The following SSBP3 variants were observed in gnomAD, a reference collection of about 807,000 sequenced individuals.
SSBP3 encodes single-stranded DNA-binding protein 3.
SSBP3 carries 5 observed loss-of-function variants against 69.6 expected under a neutral mutation model. The ratio of observed to expected loss-of-function variants is 0.07; its 90% CI spans 0.04 to 0.15. SSBP3 has a LOEUF of 0.15. Among genes scored for constraint, SSBP3 ranks in the 10% least tolerant of loss-of-function variants. SSBP3 has a pLI of 1.00. For synonymous variants in SSBP3, 196 were observed against 193.4 expected, an observed-to-expected ratio of 1.01 and a Z score of -0.11; for missense variants, 312 against 534.0, an observed-to-expected ratio of 0.58 and a Z score of 4.10.
intron 4 of SSBP3, among the ~76,000 whole-genome samples, chr1:54,345,914 G>A (rs1162038736): frequency 1.3e-5 from 2 of 151,896 alleles, no homozygotes; most frequent in East Asian, 3.9e-4. Flanking sequence ...GGCCGACGCG[G>A]GTGGATCACT....
chr1:54,378,623 C>A (rs1234469360), intron 4 of SSBP3, among the ~76,000 whole-genome samples: 1 of 152,240 alleles, frequency 6.6e-6, no homozygotes, highest in Admixed American at 6.5e-5. Context: ...CCATTGGGGG[C>A]TGGGACGGCG....
intron 14 of SSBP3, among the ~76,000 whole-genome samples, chr1:54,231,756 G>A (rs1356169786): frequency 2.6e-5 from 4 of 152,086 alleles, no homozygotes; most frequent in Admixed American, 1.3e-4. Flanking sequence ...GTGCAGTGGC[G>A]TGATCTTGGC....
intron 4 of SSBP3, chr1:54,356,337 C>G (rs1646864951): frequency 6.6e-6 from 1 of 152,222 alleles, no homozygotes; most frequent in South Asian, 2.1e-4. Flanking sequence ...GGAAACGCCG[C>G]ACACTTCCAC....
chr1:54,377,567 C>A (rs1647289422), intron 4 of SSBP3, among the ~76,000 whole-genome samples: 1 of 152,244 alleles, frequency 6.6e-6, no homozygotes, highest in Admixed American at 6.5e-5. Flanking sequence ...CCCCCAGCAT[C>A]ATAGCAGGGA....
At chr1:54,330,373 T>C (rs918050332) in intron 4 of SSBP3, among the ~76,000 whole-genome samples, 3 of 152,180 alleles carry the variant, frequency 2.0e-5, no homozygotes, top group African/African-American at 7.2e-5. Flanking sequence ...GAGCAAATAC[T>C]GTGCCCAGGG....
exon 18 of SSBP3, chr1:54,226,760 C>A (rs1264902898): frequency 5.3e-6 from 1 of 187,004 alleles, no homozygotes; most frequent in African/African-American, 2.5e-5. Flanking sequence ...CCCCAAAAAA[C>A]CCCCCTGAAA....
chr1:54,398,294 G>A (rs1255825939), intron 4 of SSBP3, among the ~76,000 whole-genome samples: 2 of 152,220 alleles, frequency 1.3e-5, no homozygotes, highest in Non-Finnish European at 2.9e-5. Flanking sequence ...AAAAAGTACA[G>A]CAGGTATGTG....
At chr1:54,390,580 C>T (rs960699583) in intron 4 of SSBP3, among the ~76,000 whole-genome samples, 1 of 152,226 alleles carries the variant, frequency 6.6e-6, no homozygotes, top group Non-Finnish European at 1.5e-5. Flanking sequence ...AAATTCACTG[C>T]GGTATTTAAA....
chr1:54,247,876 T>G (rs1286662414), intron 9 of SSBP3, among the ~76,000 whole-genome samples: 1 of 152,196 alleles, frequency 6.6e-6, no homozygotes, highest in African/African-American at 2.4e-5. Context: ...CTGACATACA[T>G]AAAACTTTTT....
chr1:54,300,291 C>A (rs570486802), intron 4 of SSBP3, among the ~76,000 whole-genome samples: 10 of 152,224 alleles, frequency 6.6e-5, no homozygotes, highest in Non-Finnish European at 1.2e-4. Context: ...GTTCTAGAGG[C>A]AGCACAGGAA....
intron 11 of SSBP3, among the ~76,000 whole-genome samples, chr1:54,241,824 C>T (rs1386266971): frequency 6.6e-6 from 1 of 152,234 alleles, no homozygotes; most frequent in African/African-American, 2.4e-5. Flanking sequence ...TGGCCTTCAC[C>T]CCACTGTCTG....
chr1:54,371,451 C>A (rs774443759), intron 4 of SSBP3, among the ~76,000 whole-genome samples: 2 of 152,146 alleles, frequency 1.3e-5, no homozygotes, highest in Non-Finnish European at 2.9e-5. Context: ...GCCTTGTTTG[C>A]CAACACATAG....
chr1:54,231,826 C>T (rs1327263122), intron 14 of SSBP3, among the ~76,000 whole-genome samples: 1 of 152,158 alleles, frequency 6.6e-6, no homozygotes, highest in African/African-American at 2.4e-5. Context: ...TCCCAGGTAG[C>T]TGGGACTACA....
At chr1:54,305,383 T>A (rs1645880574) in intron 4 of SSBP3, among the ~76,000 whole-genome samples, 1 of 152,106 alleles carries the variant, frequency 6.6e-6, no homozygotes, top group Non-Finnish European at 1.5e-5. Flanking sequence ...CCATTTTCTA[T>A]GATGAGACAT....
At chr1:54,404,469 G>A (rs1224061242) in intron 3 of SSBP3, 107 bp downstream of exon 3, 2 of 1,384,854 alleles carry the variant, frequency 1.4e-6, no homozygotes, top group African/African-American at 1.4e-5. Flanking sequence ...GTGCAACGCA[G>A]AGGGCCACAG....
intron 4 of SSBP3, among the ~76,000 whole-genome samples, chr1:54,282,646 G>T (rs1362297097): frequency 2.0e-5 from 3 of 152,210 alleles, no homozygotes; most frequent in Non-Finnish European, 2.9e-5. Flanking sequence ...GCGGGGCGGG[G>T]CGAGGCTGAG....
intron 13 of SSBP3, among the ~76,000 whole-genome samples, chr1:54,240,138 T>C (rs1370654344): frequency 1.4e-5 from 2 of 147,028 alleles, no homozygotes; most frequent in East Asian, 2.0e-4. Context: ...TGCCCACGTA[T>C]GTGCACGCAT....
rs5774181 is a variant in SSBP3 at position 54,284,103 on chromosome 1, C to CTT, written c.277-2578_277-2577dup. ...CTTCTTATGTACCATTATTTAACCA[C>CTT]TTTTTTTTTTTTTTTTTTTTTTTTT... is the stretch of plus-strand genomic sequence containing the variant. On this transcript the variant is annotated intron_variant, in intron 4 of 17. Transcript: ENST00000610401. Among the ~76,000 whole-genome samples the CTT allele has an allele frequency of 1.1e-3, 100 of 87,568 alleles. 5 individuals carry two copies. Among genetic ancestry groups the CTT allele is most frequent in the African/African-American group, 2.0e-3 (39 of 19,536 alleles). The allele number at this position is 87,568 out of a possible 152,430, so 57.4% of individuals were successfully genotyped here.
intron 14 of SSBP3, among the ~76,000 whole-genome samples, chr1:54,231,922 G>C (rs1267948442): frequency 6.6e-6 from 1 of 152,108 alleles, no homozygotes; most frequent in Non-Finnish European, 1.5e-5. Context: ...TCAAACTCCT[G>C]ACCTCAAATG....
Sources: gnomAD v4.1 joint callset for allele counts (sites outside exome capture counted in the v4.1 genomes callset) on GRCh38, gnomAD v4.1.1 for gene constraint, MANE v1.5 for transcripts, NCBI Gene and HGNC (gene_info 2026-07-23, HGNC 2026-07-21) for gene names.